Variants in SYN3 observed in about 807,000 individuals in gnomAD.
The protein encoded by SYN3 is synapsin III.
Under a neutral mutation model 65.8 loss-of-function variants are expected in SYN3, and 35 were observed. The observed-to-expected ratio is 0.53, with a 90% CI of 0.41 to 0.70. SYN3 has a LOEUF of 0.70. SYN3 is among the 30% of genes least tolerant of loss of function. The pLI is 0.00. For missense variants in SYN3, 680 were observed against 749.0 expected (o/e 0.91, Z 1.08); for synonymous variants, 270 against 292.9 (o/e 0.92, Z 0.80).
At chr22:32,568,883 G>C (rs1489770192) in intron 7 of SYN3, among the ~76,000 whole-genome samples, 4 of 152,180 alleles carry the variant, frequency 2.6e-5, no homozygotes. Flanking sequence ...TGTATTGCCT[G>C]AATACTGAGG....
rs60646067 is a variant in SYN3 at position 32,995,667 on chromosome 22, CT to C, written c.311+10684del. ...CTTCGGTCAAAGCAGACTGAAGCTG[CT>C]TTTTTTTTTTTCTGAGATGGAGTCT... is the stretch of plus-strand genomic sequence containing the variant. On this transcript the variant is annotated intron_variant, in intron 2 of 13. Coordinates refer to ENST00000358763, the MANE Select transcript of SYN3 (RefSeq NM_003490.4). 6.2e-3 allele frequency among the ~76,000 whole-genome samples: 911 copies of C among 146,260 alleles called. 6 individuals carry two copies. The highest frequency in any genetic ancestry group is 0.029 in the South Asian group (134 of 4,604).
At chr22:32,987,942 C>T (rs903720039) in intron 2 of SYN3, among the ~76,000 whole-genome samples, 5 of 152,122 alleles carry the variant, frequency 3.3e-5, no homozygotes, top group African/African-American at 7.2e-5. Flanking sequence ...ATAAAATGCA[C>T]GACCAATGGA....
At chr22:32,818,771 C>A (rs1049185305) in intron 6 of SYN3, among the ~76,000 whole-genome samples, 1 of 152,124 alleles carries the variant, frequency 6.6e-6, no homozygotes, top group African/African-American at 2.4e-5. Flanking sequence ...CTGCTTCCAC[C>A]TGGATCTGGA....
At chr22:32,972,080 T>G (rs566942395) in intron 3 of SYN3, among the ~76,000 whole-genome samples, 62 of 152,296 alleles carry the variant, frequency 4.1e-4, no homozygotes, top group African/African-American at 1.4e-3. Flanking sequence ...TGAGGCACTT[T>G]CAAGGAGGAA....
At chr22:32,956,440 C>T (rs1475123518) in intron 3 of SYN3, among the ~76,000 whole-genome samples, 1 of 152,130 alleles carries the variant, frequency 6.6e-6, no homozygotes, top group Non-Finnish European at 1.5e-5. Context: ...CAGGTGTGAG[C>T]CACCTTACCC....
chr22:32,991,517 C>T (rs1379053066), intron 2 of SYN3, among the ~76,000 whole-genome samples: 2 of 152,148 alleles, frequency 1.3e-5, no homozygotes, highest in African/African-American at 4.8e-5. Flanking sequence ...CATCGGTTCT[C>T]ACGCCCAACA....
chr22:32,948,497 G>A (rs555790493), intron 3 of SYN3, among the ~76,000 whole-genome samples: 2 of 152,262 alleles, frequency 1.3e-5, no homozygotes, highest in East Asian at 3.9e-4. Context: ...AGCACTTTGG[G>A]AGGCCGAGGC....
chr22:32,591,963 T>C (rs912758234), intron 7 of SYN3, among the ~76,000 whole-genome samples: 2 of 152,194 alleles, frequency 1.3e-5, no homozygotes, highest in African/African-American at 4.8e-5. Flanking sequence ...CTGGATCCAT[T>C]ATCACGGAAT....
intron 6 of SYN3, among the ~76,000 whole-genome samples, chr22:32,662,336 T>C (rs2060227838): frequency 6.6e-6 from 1 of 152,310 alleles, no homozygotes; most frequent in East Asian, 1.9e-4. Context: ...ATCTTATCTA[T>C]AGTCTGTTCA....
At chr22:32,657,314 G>A (rs1008261110) in intron 6 of SYN3, among the ~76,000 whole-genome samples, 5 of 151,946 alleles carry the variant, frequency 3.3e-5, no homozygotes, top group Admixed American at 6.6e-5. Context: ...TAGTAGAGAC[G>A]GGGTTTCACC....
intron 6 of SYN3, among the ~76,000 whole-genome samples, chr22:32,686,740 C>T (rs1238012711): frequency 5.3e-5 from 8 of 151,658 alleles, no homozygotes; most frequent in South Asian, 2.1e-4. Context: ...GGATTACAGG[C>T]GCCCACCACC....
chr22:32,615,262 C>T (rs965293458), intron 6 of SYN3, among the ~76,000 whole-genome samples: 6 of 151,716 alleles, frequency 4.0e-5, no homozygotes, highest in East Asian at 1.9e-4. Flanking sequence ...TGGTGAAAGC[C>T]GGTCTCTACT....
chr22:32,780,528 C>T (rs1236489402), intron 6 of SYN3, among the ~76,000 whole-genome samples: 1 of 152,172 alleles, frequency 6.6e-6, no homozygotes, highest in Non-Finnish European at 1.5e-5. Context: ...ATTTCTGCCC[C>T]CATCTCCACC....
At chr22:33,030,580 CAG>C (rs368757775) in intron 1 of SYN3, among the ~76,000 whole-genome samples, 91 of 147,282 alleles carry the variant, frequency 6.2e-4, no homozygotes, top group African/African-American at 1.9e-3. Context: ...GAGATAGAGA[CAG>C]AGAGAGAGAG....
rs1192805596 is a variant in SYN3, at chr22:32,513,160, C to G, written c.*532G>C. 2 of 152,650 alleles carry G rather than the reference C, an allele frequency of 1.3e-5. No homozygotes were observed. The highest frequency in any genetic ancestry group is 4.8e-5 in the African/African-American group (2 of 41,380). The allele number at this position is 152,650 out of a possible 1,614,324, so 9.5% of individuals were successfully genotyped here. ...GCCTGGTCTAAGGGCGGGTCTTGAG[C>G]GTGGATGGAACTAGCGTGGGCAGGT... is the stretch of plus-strand genomic sequence containing the variant. On this transcript the variant is annotated 3_prime_UTR_variant, in exon 14 of 14. Coordinates refer to ENST00000358763, the MANE Select transcript of SYN3 (RefSeq NM_003490.4).
intron 6 of SYN3, among the ~76,000 whole-genome samples, chr22:32,777,242 C>T (rs1019613550): frequency 1.3e-5 from 2 of 152,108 alleles, no homozygotes; most frequent in African/African-American, 4.8e-5. Flanking sequence ...CCTTCGTGTC[C>T]CAGCTGTGGG....
intron 11 of SYN3, 92 bp downstream of exon 11, chr22:32,528,782 G>C: frequency 6.4e-7 from 1 of 1,553,602 alleles, no homozygotes; most frequent in South Asian, 1.2e-5. Context: ...TTCTTCCTGG[G>C]GGTATCCCCT....
chr22:32,752,847 T>C (rs1417559985), intron 6 of SYN3, among the ~76,000 whole-genome samples: 3 of 151,950 alleles, frequency 2.0e-5, no homozygotes, highest in African/African-American at 7.3e-5. Context: ...ATGGGGAGCA[T>C]GCATGGGGGG....
chr22:32,704,121 T>C (rs2060847677), intron 6 of SYN3, among the ~76,000 whole-genome samples: 1 of 152,174 alleles, frequency 6.6e-6, no homozygotes, highest in Non-Finnish European at 1.5e-5. Context: ...TATATAGGTA[T>C]ACTCGTGTCA....
Sources: allele counts gnomAD v4.1 joint callset (sites outside exome capture counted in the v4.1 genomes callset), GRCh38; gene constraint gnomAD v4.1.1; transcripts MANE v1.5; gene names NCBI Gene and HGNC (gene_info 2026-07-23, HGNC 2026-07-21).